LAMC1: variants seen among roughly 807,000 people sequenced by gnomAD.
The protein encoded by LAMC1 is laminin subunit gamma 1.
LAMC1 carries 38 observed loss-of-function variants against 173.6 expected under a neutral mutation model. That is an observed-to-expected ratio of 0.22 (90% CI 0.17 to 0.29). LAMC1 has a LOEUF of 0.29. Ranked by LOEUF, LAMC1 falls within the 10% of genes least tolerant of loss-of-function variation. LAMC1 has a pLI of 1.00. For synonymous variants in LAMC1, 746 were observed against 749.1 expected (o/e 1.00, Z 0.07); for missense variants, 1,824 against 2,051.8 (o/e 0.89, Z 2.14).
intron 1 of LAMC1, among the ~76,000 whole-genome samples, chr1:183,080,956 T>C (rs1238064119): frequency 1.3e-5 from 2 of 152,158 alleles, no homozygotes; most frequent in Non-Finnish European, 2.9e-5. Flanking sequence ...TGGCGCGATC[T>C]TGGCTCACTG....
At chr1:183,082,597 C>G (rs1247451600) in intron 1 of LAMC1, among the ~76,000 whole-genome samples, 1 of 152,158 alleles carries the variant, frequency 6.6e-6, no homozygotes, top group African/African-American at 2.4e-5. Flanking sequence ...CAAATTACCA[C>G]AGCCCACCCA....
At chr1:183,085,200 A>C (rs1479220552) in intron 1 of LAMC1, among the ~76,000 whole-genome samples, 1 of 151,508 alleles carries the variant, frequency 6.6e-6, no homozygotes, top group Non-Finnish European at 1.5e-5. Flanking sequence ...CCTGGGCAAC[A>C]GAGTGAGACT....
Position 183,140,423 on chromosome 1 carries a change from A to G in LAMC1, c.4493A>G (p.Glu1498Gly). 1 of 1,613,152 alleles carries G rather than the reference A, an allele frequency of 6.2e-7. No homozygotes were observed. Among genetic ancestry groups the G allele is most frequent in the Non-Finnish European group, 8.5e-7 (1 of 1,179,538 alleles). Residue 1498 changes from glutamate (E) to glycine (G), a missense_variant, in exon 27 of 28, where the codon GAA (glutamate) becomes GGA (glycine). Glu to Gly is a moderately conservative substitution (Grantham distance 98). Transcript: ENST00000258341. ...TTACAGGCTTCACAGGCTGCTCAAG[A>G]AGCCGAGATCAATGCCAGAAAAGCC... ...MAGMASQAAQ[E>G]AEINARKAKN...
Position 183,027,199 on chromosome 1 carries a change from A to G in LAMC1, c.418+3065A>G, listed in dbSNP as rs139134620. Reference sequence around the variant, plus strand: ...CACAGTCATCCAGGGTGCAGGGTGCAGTGCATCCTCGGATAAAAAGAGTTA... The same window carrying G: ...CACAGTCATCCAGGGTGCAGGGTGCGGTGCATCCTCGGATAAAAAGAGTTA... On this transcript the variant is annotated intron_variant, in intron 1 of 27. Coordinates refer to ENST00000258341, the MANE Select transcript of LAMC1 (RefSeq NM_002293.4). 5.7e-3 allele frequency among the ~76,000 whole-genome samples: 863 copies of G among 152,344 alleles called. 8 individuals are homozygous for G. Among genetic ancestry groups the G allele is most frequent in the African/African-American group, 0.02 (826 of 41,574 alleles).
In LAMC1 at chr1:183,143,861, G is replaced by A. The variant is rs1171874649; in HGVS notation, c.*1071G>A. ...CTTCTGTTGGAGAGATGAGACATTT[G>A]ACCCTTAGCTCCAGTTTTCTTCTGA... is the stretch of plus-strand genomic sequence containing the variant. On this transcript the variant is annotated 3_prime_UTR_variant, in exon 28 of 28. Transcript: ENST00000258341. The A allele has an allele frequency of 6.6e-6, 1 of 152,152 alleles. No individual in the cohort carries two copies. Among genetic ancestry groups the A allele is most frequent in the East Asian group, 1.9e-4 (1 of 5,192 alleles). 9.4% of individuals were successfully genotyped at this position (152,152 alleles called of 1,614,324 possible).
intron 11 of LAMC1, 75 bp downstream of exon 11, chr1:183,118,221 TTC>T: frequency 1.2e-6 from 1 of 838,100 alleles, no homozygotes; most frequent in Non-Finnish European, 2.0e-6. Context: ...ATGCAAAAGT[TTC>T]TCTTTCCTAA....
chr1:183,093,600 C>T (rs943891920), intron 1 of LAMC1, among the ~76,000 whole-genome samples: 4 of 152,136 alleles, frequency 2.6e-5, no homozygotes, highest in South Asian at 4.1e-4. Context: ...TGTATGCTGA[C>T]GACTTCCAGA....
intron 1 of LAMC1, among the ~76,000 whole-genome samples, chr1:183,056,465 T>C (rs1654599223): frequency 6.6e-6 from 1 of 152,162 alleles, no homozygotes; most frequent in Non-Finnish European, 1.5e-5. Context: ...ACCAGTCACG[T>C]CCCACTGTCT....
At chr1:183,135,618 C>T (rs931238017) in intron 24 of LAMC1, among the ~76,000 whole-genome samples, 10 of 151,978 alleles carry the variant, frequency 6.6e-5, no homozygotes, top group African/African-American at 7.3e-5. Flanking sequence ...GGGCCAGGCA[C>T]GGTGGCCTGT....
At chr1:183,095,730 T>G (rs1204668739) in intron 1 of LAMC1, among the ~76,000 whole-genome samples, 2 of 152,074 alleles carry the variant, frequency 1.3e-5, no homozygotes, top group Non-Finnish European at 2.9e-5. Context: ...ATGAATTAGG[T>G]CTGGTATTGA....
In LAMC1 at chr1:183,044,244, A is replaced by G. The variant is rs189231973; in HGVS notation, c.418+20110A>G. ...CAGAGTCCTTTGCCCAAAATACATC[A>G]TGTTGTCCTCTGGGCTTTACTGTCC... is the stretch of plus-strand genomic sequence containing the variant. On this transcript the variant is annotated intron_variant, in intron 1 of 27. Coordinates refer to ENST00000258341, the MANE Select transcript of LAMC1 (RefSeq NM_002293.4). Among the ~76,000 whole-genome samples, 481 of 152,066 alleles carry G rather than the reference A, an allele frequency of 3.2e-3. 2 individuals are homozygous for G. The highest frequency in any genetic ancestry group is 0.011 in the African/African-American group (464 of 41,490).
chr1:183,081,690 T>TA (rs1442123284), intron 1 of LAMC1, among the ~76,000 whole-genome samples: 2 of 152,194 alleles, frequency 1.3e-5, no homozygotes, highest in African/African-American at 4.8e-5. Context: ...ACCACACACA[T>TA]AGCCTCTGCA....
intron 1 of LAMC1, among the ~76,000 whole-genome samples, chr1:183,098,474 G>A (rs1473545267): frequency 6.6e-6 from 1 of 152,194 alleles, no homozygotes; most frequent in Non-Finnish European, 1.5e-5. Context: ...GATGCTGAAT[G>A]CTGCAGCAGA....
chr1:183,137,073 T>C (rs1656965980), intron 25 of LAMC1, among the ~76,000 whole-genome samples: 1 of 152,230 alleles, frequency 6.6e-6, no homozygotes, highest in Non-Finnish European at 1.5e-5. Flanking sequence ...TTTTTTAGTT[T>C]GGCTTTCTCT....
At position 183,114,674 on chromosome 1, in the gene LAMC1, C is replaced by T; in HGVS notation, c.1165C>T (p.Leu389Phe). The T allele has an allele frequency of 6.2e-7, 1 of 1,614,170 alleles. No individual in the cohort carries two copies. Among genetic ancestry groups the T allele is most frequent in the Non-Finnish European group, 8.5e-7 (1 of 1,180,030 alleles). ...GAGGTGCCGAGAGAACTTCTTCCGC[C>T]TTGGCAACAATGAAGCCTGCTCTTC... ...CERCRENFFR[L>F]GNNEACSSCH... Residue 389 changes from leucine (L) to phenylalanine (F), a missense_variant, in exon 5 of 28, where the codon CTT becomes TTT. Transcript: ENST00000258341.
chr1:183,137,439 C>CA (rs776260801), intron 25 of LAMC1, among the ~76,000 whole-genome samples: 1 of 151,836 alleles, frequency 6.6e-6, no homozygotes, highest in Non-Finnish European at 1.5e-5. Flanking sequence ...GAAGAGGATA[C>CA]AAATGAAAGT....
chr1:183,114,018 G>A (rs1656243566), intron 4 of LAMC1, among the ~76,000 whole-genome samples: 1 of 152,050 alleles, frequency 6.6e-6, no homozygotes, highest in Non-Finnish European at 1.5e-5. Flanking sequence ...TTATCATCTG[G>A]CTGTATATAC....
At chr1:183,027,088 A>T (rs769494673) in intron 1 of LAMC1, among the ~76,000 whole-genome samples, 162 of 152,276 alleles carry the variant, frequency 1.1e-3, no homozygotes, top group Non-Finnish European at 4.1e-4. Context: ...TACAAATCTG[A>T]TTATTGTGCC....
chr1:183,078,598 G>A (rs183914061), intron 1 of LAMC1, among the ~76,000 whole-genome samples: 2 of 146,918 alleles, frequency 1.4e-5, no homozygotes, highest in Admixed American at 6.8e-5. Flanking sequence ...AAAAAAAATA[G>A]ATGGAGTAAT....
Sources: allele counts gnomAD v4.1 joint callset (sites outside exome capture counted in the v4.1 genomes callset), GRCh38; gene constraint gnomAD v4.1.1; transcripts MANE v1.5; gene names NCBI Gene and HGNC (gene_info 2026-07-23, HGNC 2026-07-21).